Variants in NUMA1 observed in about 807,000 individuals in gnomAD.
NUMA1 encodes the protein nuclear mitotic apparatus protein 1, also known as SP-H antigen.
In NUMA1, 62 loss-of-function variants were observed where a neutral mutation model predicts 237.1. The ratio of observed to expected loss-of-function variants is 0.26; its 90% CI spans 0.21 to 0.32. The LOEUF (loss-of-function observed/expected upper bound fraction) is 0.32, where lower values mean the gene tolerates loss of function less well. NUMA1 is among the 10% of genes least tolerant of loss of function. NUMA1 has a pLI of 1.00. For missense variants in NUMA1, 2,533 were observed against 2,666.5 expected (o/e 0.95, Z 1.10); for synonymous variants, 1,028 against 1,066.1 (o/e 0.96, Z 0.70).
intron 2 of NUMA1, among the ~76,000 whole-genome samples, chr11:72,040,318 A>G (rs1272605303): frequency 6.6e-6 from 1 of 150,880 alleles, no homozygotes; most frequent in Non-Finnish European, 1.5e-5. Flanking sequence ...AAAGTGGCTT[A>G]CAGATGTCTG....
At chr11:72,004,185 G>T (rs779674626) in intron 25 of NUMA1, 40 bp downstream of exon 25, 1 of 1,603,478 alleles carries the variant, frequency 6.2e-7, no homozygotes, top group Non-Finnish European at 8.5e-7. Flanking sequence ...GCAAGGTCCC[G>T]CCAGGGCGTC....
intron 2 of NUMA1, among the ~76,000 whole-genome samples, chr11:72,055,480 C>T (rs562282187): frequency 1.3e-5 from 2 of 152,122 alleles, no homozygotes; most frequent in East Asian, 1.9e-4. Flanking sequence ...ACTTATGAAC[C>T]AAGAGTCATC....
intron 4 of NUMA1, among the ~76,000 whole-genome samples, chr11:72,028,386 A>T (rs1939847296): frequency 6.6e-6 from 1 of 151,052 alleles, no homozygotes; most frequent in African/African-American, 2.4e-5. Flanking sequence ...CGTATGGCAC[A>T]TAAACACCTT....
intron 21 of NUMA1, 66 bp from the exon 22 acceptor site, chr11:72,006,329 C>T: frequency 2.2e-6 from 3 of 1,392,572 alleles, no homozygotes; most frequent in Admixed American, 1.9e-5. Context: ...TTCCCATTCC[C>T]TTCCGAAGCC....
At chr11:72,034,057 A>G (rs1940690050) in intron 3 of NUMA1, among the ~76,000 whole-genome samples, 1 of 152,096 alleles carries the variant, frequency 6.6e-6, no homozygotes, top group Admixed American at 6.6e-5. Context: ...TGAGGTTACA[A>G]TGAACTATGA....
chr11:72,057,816 T>C (rs1942742181), intron 2 of NUMA1, among the ~76,000 whole-genome samples: 1 of 150,976 alleles, frequency 6.6e-6, no homozygotes, highest in Non-Finnish European at 1.5e-5. Context: ...ACGCCTGTAA[T>C]CCCAGCACTT....
chr11:72,024,654 A>T (rs1309803976), intron 4 of NUMA1: 2 of 389,272 alleles, frequency 5.1e-6, no homozygotes, highest in East Asian at 1.1e-4. Context: ...AGACGGAGGC[A>T]GCACAGATGA....
At chr11:72,060,245 A>G (rs771236180) in intron 2 of NUMA1, among the ~76,000 whole-genome samples, 1 of 152,186 alleles carries the variant, frequency 6.6e-6, no homozygotes, top group Non-Finnish European at 1.5e-5. Flanking sequence ...TCATTTAAGT[A>G]TTGTCTATGG....
chr11:72,008,776 G>C lies in NUMA1; in HGVS notation c.5128C>G (p.Arg1710Gly), dbSNP rs200574487. 5.0e-6 allele frequency: 8 copies of C among 1,613,916 alleles called. No homozygotes were observed. In the African/African-American group the frequency reaches 8.0e-5, roughly 16 times the overall value. Residue 1710 changes from arginine to glycine, a missense_variant, in exon 20 of 27, where the codon CGT (arginine) becomes GGT (glycine). Transcript: ENST00000393695. ...FQVATDALKS[R>G]EPQAKPQLDL... is the part of the protein sequence containing the mutation. ...AGCTGGGGCTTAGCCTGGGGCTCAC[G>C]GCTCTTTAAAGCATCAGTTGCCACC...
chr11:72,050,885 CT>C (rs11414539), intron 2 of NUMA1: 108 of 121,726 alleles, frequency 8.9e-4, no homozygotes, highest in East Asian at 5.7e-3. Context: ...CTATACCCAC[CT>C]TTTTTTTTTT....
At chr11:72,005,078 C>CTGGG (rs1470705577) in intron 23 of NUMA1, among the ~76,000 whole-genome samples, 155 bp downstream of exon 23, 1 of 152,138 alleles carries the variant, frequency 6.6e-6, no homozygotes, top group Non-Finnish European at 1.5e-5. Context: ...GAGTGCCCTC[C>CTGGG]CAGCTGTCTG....
intron 20 of NUMA1, 70 bp from the exon 21 acceptor site, chr11:72,007,505 A>G: frequency 6.4e-7 from 1 of 1,567,240 alleles, no homozygotes; most frequent in Non-Finnish European, 8.6e-7. Flanking sequence ...CCTTTTTGAA[A>G]GTGACCATTT....
Position 72,037,990 on chromosome 11 carries a change from G to A in NUMA1, c.-32-2015C>T, listed in dbSNP as rs1342852021. Reference sequence around the variant, plus strand: ...TGGCTGACAAGACTAAAGCTCGAGGGACCACACTTGGCTCTGTGGTGGGGC... The same window carrying A: ...TGGCTGACAAGACTAAAGCTCGAGGAACCACACTTGGCTCTGTGGTGGGGC... On this transcript the variant is annotated intron_variant, in intron 2 of 26. Coordinates refer to ENST00000393695, the MANE Select transcript of NUMA1 (RefSeq NM_006185.4). 2.6e-5 allele frequency among the ~76,000 whole-genome samples: 4 copies of A among 152,152 alleles called. No individual in the cohort carries two copies. In the East Asian group the frequency reaches 7.7e-4, roughly 29 times the overall value.
At position 72,047,060 on chromosome 11, in the gene NUMA1, CA is replaced by C. The variant is rs1942042674; in HGVS notation, c.-32-11086del. On this transcript the variant is annotated intron_variant, in intron 2 of 26. Transcript: ENST00000393695. ...GCGGGGTGGTGACTGGTTAGGAGCA[CA>C]AAGGTTATTTCAAAGGGTCAGGTGA... Among the ~76,000 whole-genome samples, 5 of 152,168 alleles carry C rather than the reference CA, an allele frequency of 3.3e-5. No homozygotes were observed. In the South Asian group the frequency reaches 6.2e-4, roughly 19 times the overall value.
chr11:72,078,206 G>A (rs607446), intron 1 of NUMA1, among the ~76,000 whole-genome samples: 134,868 of 152,214 alleles, frequency 0.89, 60,035 homozygotes, highest in Non-Finnish European at 0.95. Flanking sequence ...GAATTGTTCA[G>A]CTTAGAGATG....
intron 1 of NUMA1, among the ~76,000 whole-genome samples, chr11:72,074,178 G>C (rs2136318150): frequency 3.8e-5 from 1 of 26,644 alleles, no homozygotes; most frequent in South Asian, 9.3e-4. Flanking sequence ...TGGGCACCAG[G>C]AGCGAAACTC....
chr11:72,024,353 G>A lies in NUMA1; in HGVS notation c.129C>T (p.Ile43=). ...CSIFIKIIDR[I]HGTEEGQQIL... The stretch of plus-strand genomic sequence containing the variant: ...TTTGCTGTCCCTCTTCAGTGCCATG[G>A]CTAGAAAAAGAGCAAGTATTAGGAC... The change falls in exon 5 of 27, where the codon ATC becomes ATT. Residue 43 remains isoleucine, a splice_region_variant and synonymous_variant. Coordinates refer to ENST00000393695, the MANE Select transcript of NUMA1 (RefSeq NM_006185.4). 1 of 1,614,016 alleles carries A rather than the reference G, an allele frequency of 6.2e-7. No homozygotes were observed. Among genetic ancestry groups the A allele is most frequent in the Non-Finnish European group, 8.5e-7 (1 of 1,179,882 alleles).
At position 72,024,365 on chromosome 11, in the gene NUMA1, G is replaced by T. The variant is rs1939291812; in HGVS notation, c.129-12C>A. On this transcript the variant is annotated splice_polypyrimidine_tract_variant and intron_variant, in intron 4 of 26. Coordinates refer to ENST00000393695, the MANE Select transcript of NUMA1 (RefSeq NM_006185.4). Reference sequence around the variant, plus strand: ...CTTCAGTGCCATGGCTAGAAAAAGAGCAAGTATTAGGACCAGAGTATTCAG... The same window carrying T: ...CTTCAGTGCCATGGCTAGAAAAAGATCAAGTATTAGGACCAGAGTATTCAG... 6.2e-7 allele frequency: 1 copy of T among 1,612,982 alleles called. No homozygotes were observed. The highest frequency in any genetic ancestry group is 8.5e-7 in the Non-Finnish European group (1 of 1,178,970).
In NUMA1 at chr11:72,012,470, CAG is replaced by C. The variant is rs368603907; in HGVS notation, c.4609-30_4609-29del. On this transcript the variant is annotated intron_variant, in intron 15 of 26. Coordinates refer to ENST00000393695, the MANE Select transcript of NUMA1 (RefSeq NM_006185.4). ...GTACATGGGGGAGGAGCAACAGAGACAGAGTGAGATGAGGCCAAAGAAGCACC... is the reference window on the plus strand; with the variant it reads ...GTACATGGGGGAGGAGCAACAGAGACAGTGAGATGAGGCCAAAGAAGCACC... 76 of 1,609,198 alleles carry C rather than the reference CAG, an allele frequency of 4.7e-5. 2 individuals are homozygous for C. Among genetic ancestry groups the C allele is most frequent in the East Asian group, 2.0e-4 (9 of 44,810 alleles).
Sources: allele counts gnomAD v4.1 joint callset (sites outside exome capture counted in the v4.1 genomes callset), GRCh38; gene constraint gnomAD v4.1.1; transcripts MANE v1.5; gene names NCBI Gene and HGNC (gene_info 2026-07-23, HGNC 2026-07-21).